Variants in MBLAC2 observed in about 807,000 individuals in gnomAD.
MBLAC2 encodes the protein metallo-beta-lactamase domain containing 2.
A neutral mutation model predicts 23.3 loss-of-function variants in MBLAC2; 24 were observed. That is an observed-to-expected ratio of 1.03 (90% CI 0.75 to 1.45). The LOEUF is 1.45. Among genes scored for constraint, MBLAC2 ranks in the 40% most tolerant of loss-of-function variants. The pLI, the probability that MBLAC2 is intolerant of heterozygous loss-of-function variation, is 0.00. For synonymous variants in MBLAC2, 162 were observed against 150.9 expected (o/e 1.07, Z -0.54); for missense variants, 358 against 370.0 (o/e 0.97, Z 0.27).
At chr5:90,470,771 C>CAG (rs1750533419) in intron 1 of MBLAC2, among the ~76,000 whole-genome samples, 1 of 147,936 alleles carries the variant, frequency 6.8e-6, no homozygotes, top group South Asian at 2.2e-4. Context: ...CACACACACA[C>CAG]ACACACACAC....
At chr5:90,473,558 C>T in intron 1 of MBLAC2, 1 of 638,554 alleles carries the variant, frequency 1.6e-6, no homozygotes, top group Non-Finnish European at 2.8e-6. Flanking sequence ...ACTGCTACAG[C>T]CGATGCAGGA....
intron 1 of MBLAC2, among the ~76,000 whole-genome samples, chr5:90,470,812 G>A (rs997936596): frequency 1.3e-5 from 2 of 148,300 alleles, no homozygotes; most frequent in African/African-American, 2.5e-5. Flanking sequence ...TTTCCATACT[G>A]AGCCCTTAAG....
intron 1 of MBLAC2, 121 bp downstream of exon 1, chr5:90,473,718 C>T (rs1449673441): frequency 2.1e-6 from 2 of 971,200 alleles, no homozygotes; most frequent in Non-Finnish European, 3.2e-6. Context: ...ACAGAAGTGG[C>T]TCTGCGAGGT....
chr5:90,466,877 C>A (rs1345101514), intron 1 of MBLAC2, among the ~76,000 whole-genome samples: 5 of 152,164 alleles, frequency 3.3e-5, no homozygotes, highest in Non-Finnish European at 5.9e-5. Flanking sequence ...CTGGCTCATG[C>A]CTGTAATACC....
At position 90,458,525 on chromosome 5, in the gene MBLAC2, C is replaced by T. The variant is rs1223054595; in HGVS notation, c.*2642G>A. On this transcript the variant is annotated 3_prime_UTR_variant, in exon 2 of 2. Transcript: ENST00000316610. Reference sequence around the variant, plus strand: ...ATATTTCCAAAAATCATTTAAGTTACAAGGGTCACTGTCAGGGTGAAAATA... The same window carrying T: ...ATATTTCCAAAAATCATTTAAGTTATAAGGGTCACTGTCAGGGTGAAAATA... The T allele has an allele frequency of 6.6e-6, 1 of 152,102 alleles. No individual in the cohort carries two copies. The highest frequency in any genetic ancestry group is 1.9e-4 in the East Asian group (1 of 5,200). 9.4% of individuals were successfully genotyped at this position (152,102 alleles called of 1,614,324 possible).
chr5:90,468,962 G>A (rs1750500113), intron 1 of MBLAC2, among the ~76,000 whole-genome samples: 1 of 152,168 alleles, frequency 6.6e-6, no homozygotes, highest in Admixed American at 6.6e-5. Context: ...AGCATTAAAT[G>A]CCTACATCAA....
Position 90,473,503 on chromosome 5 carries a change from G to A in MBLAC2, c.454+336C>T, listed in dbSNP as rs140174925. The A allele has an allele frequency of 2.9e-3, 1,685 of 585,782 alleles. 23 individuals are homozygous for A. The highest frequency in any genetic ancestry group is 0.028 in the African/African-American group (1,490 of 53,108). 36.3% of individuals were successfully genotyped at this position (585,782 alleles called of 1,614,324 possible). A position where few individuals can be genotyped will look rare whatever the true frequency, so the allele number is the denominator to read the frequency against. ...TGGAAATGTCGGGCAGGTGCTTAGG[G>A]AAAGAATGAGAAATCCCTAGTCAGT... On this transcript the variant is annotated intron_variant, in intron 1 of 1. Coordinates refer to ENST00000316610, the MANE Select transcript of MBLAC2 (RefSeq NM_203406.2).
chr5:90,470,587 C>G (rs1296761197), intron 1 of MBLAC2, among the ~76,000 whole-genome samples: 1 of 152,100 alleles, frequency 6.6e-6, no homozygotes, highest in Non-Finnish European at 1.5e-5. Context: ...AGGTATTCCT[C>G]TACATTGGTA....
chr5:90,467,609 G>GAA (rs1750470331), intron 1 of MBLAC2, among the ~76,000 whole-genome samples: 1 of 152,112 alleles, frequency 6.6e-6, no homozygotes, highest in African/African-American at 2.4e-5. Context: ...AAACTTGGTT[G>GAA]GTGAATTCTT....
At chr5:90,472,795 T>C (rs1388409421) in intron 1 of MBLAC2, 3 of 152,218 alleles carry the variant, frequency 2.0e-5, no homozygotes, top group East Asian at 3.8e-4. Context: ...GATTTATGTA[T>C]GTTCTGCATG....
rs1750305790 is a variant in MBLAC2, at chr5:90,458,699, C to G, written c.*2468G>C. The G allele has an allele frequency of 6.6e-6, 1 of 152,172 alleles. No individual in the cohort carries two copies. The highest frequency in any genetic ancestry group is 6.5e-5 in the Admixed American group (1 of 15,276). The allele number at this position is 152,172 out of a possible 1,614,324, so 9.4% of individuals were successfully genotyped here. A position where few individuals can be genotyped will look rare whatever the true frequency, so the allele number is the denominator to read the frequency against. ...TTACAAGAGAAAGAGAAGTGTGGGG[C>G]AGACAGACCTGTGTTCAGTTACTAG... On this transcript the variant is annotated 3_prime_UTR_variant, in exon 2 of 2. Coordinates refer to ENST00000316610, the MANE Select transcript of MBLAC2 (RefSeq NM_203406.2).
chr5:90,467,637 A>G lies in MBLAC2; in HGVS notation c.455-6085T>C, dbSNP rs994578256. ...GAATTCTTATCCATTCTGTCATTCT[A>G]TATCTTTTAAGTGGAGCATTTAGGC... On this transcript the variant is annotated intron_variant, in intron 1 of 1. Transcript: ENST00000316610. Among the ~76,000 whole-genome samples the G allele has an allele frequency of 4.6e-5, 7 of 151,332 alleles. No individual in the cohort carries two copies. The South Asian group carries it at 6.2e-4, about 13-fold the overall frequency.
Position 90,459,611 on chromosome 5 carries a change from G to A in MBLAC2, c.*1556C>T, listed in dbSNP as rs952846856. 9 of 151,886 alleles carry A rather than the reference G, an allele frequency of 5.9e-5. No individual in the cohort carries two copies. The highest frequency in any genetic ancestry group is 2.2e-4 in the African/African-American group (9 of 41,338). The allele number at this position is 151,886 out of a possible 1,614,324, so 9.4% of individuals were successfully genotyped here. A position where few individuals can be genotyped will look rare whatever the true frequency, so the allele number is the denominator to read the frequency against. On this transcript the variant is annotated 3_prime_UTR_variant, in exon 2 of 2. Coordinates refer to ENST00000316610, the MANE Select transcript of MBLAC2 (RefSeq NM_203406.2). ...ACCCCTCCATTTATGTCCCTTACAC[G>A]CATGTATAATGTACATTAACTTGCA... is the stretch of plus-strand genomic sequence containing the variant.
Position 90,474,467 on chromosome 5 carries a change from G to C in MBLAC2, c.-175C>G, listed in dbSNP as rs1293262585. On this transcript the variant is annotated 5_prime_UTR_variant, in exon 1 of 2. Transcript: ENST00000316610. ...TCGGAATAGGAGGAGGAAGGACGCA[G>C]ACCGACGCTGCCCGTAGCGTGCGCT... 12 of 623,198 alleles carry C rather than the reference G, an allele frequency of 1.9e-5. No individual in the cohort carries two copies. In the South Asian group the frequency reaches 2.4e-4, roughly 12 times the overall value. The allele number at this position is 623,198 out of a possible 1,614,324, so 38.6% of individuals were successfully genotyped here.
chr5:90,462,340 C>A (rs1349579023), intron 1 of MBLAC2, among the ~76,000 whole-genome samples: 1 of 152,050 alleles, frequency 6.6e-6, no homozygotes, highest in Non-Finnish European at 1.5e-5. Flanking sequence ...TTAAAAGATT[C>A]ATAATGTAAT....
rs762159990 is a variant in MBLAC2, at chr5:90,460,986, C to T, written c.*181G>A. ...ATAAGCTTATTTAAGTGGCTTCTTT[C>T]TTGGAAGAAAGAAAACAATTTAAAC... On this transcript the variant is annotated 3_prime_UTR_variant, in exon 2 of 2. Coordinates refer to ENST00000316610, the MANE Select transcript of MBLAC2 (RefSeq NM_203406.2). 2.4e-5 allele frequency: 13 copies of T among 552,466 alleles called. No individual in the cohort carries two copies. The highest frequency in any genetic ancestry group is 2.7e-5 in the Non-Finnish European group (9 of 333,848). The allele number at this position is 552,466 out of a possible 1,614,324, so 34.2% of individuals were successfully genotyped here.
At position 90,459,035 on chromosome 5, in the gene MBLAC2, T is replaced by A. The variant is rs1750311965; in HGVS notation, c.*2132A>T. 1 of 152,488 alleles carries A rather than the reference T, an allele frequency of 6.6e-6. No individual in the cohort carries two copies. Among genetic ancestry groups the A allele is most frequent in the Admixed American group, 6.6e-5 (1 of 15,264 alleles). The allele number at this position is 152,488 out of a possible 1,614,324, so 9.4% of individuals were successfully genotyped here. On this transcript the variant is annotated 3_prime_UTR_variant, in exon 2 of 2. Transcript: ENST00000316610. The stretch of plus-strand genomic sequence containing the variant: ...TAGTGCCTACTATACCCTGATTTTT[T>A]AAAAAAAGGCCTAAAATATGATAAA...
In MBLAC2 at chr5:90,474,641, T is replaced by C; in HGVS notation, c.-349A>G. On this transcript the variant is annotated 5_prime_UTR_variant, in exon 1 of 2. Transcript: ENST00000316610. ...GAATGGAGACTCAGGTGGCGACCGT[T>C]TCGCCACCCCGGGCGTGTGACAGCA... 1 of 304,474 alleles carries C rather than the reference T, an allele frequency of 3.3e-6. No homozygotes were observed. The highest frequency in any genetic ancestry group is 6.2e-6 in the Non-Finnish European group (1 of 161,732). 18.9% of individuals were successfully genotyped at this position (304,474 alleles called of 1,614,324 possible). A position where few individuals can be genotyped will look rare whatever the true frequency, so the allele number is the denominator to read the frequency against.
In MBLAC2 at chr5:90,474,265, TGTG is replaced by T; in HGVS notation, c.25_27del (p.His9del). 3.1e-6 allele frequency: 5 copies of T among 1,613,452 alleles called. No individual in the cohort carries two copies. In the South Asian group the frequency reaches 5.5e-5, roughly 18 times the overall value. ...CAGAAGATACCATCGCCTAGAGACT[TGTG>T]GGCGTACCACTCGAGCGCCGACATG... On this transcript the variant is annotated inframe_deletion, in exon 1 of 2. Transcript: ENST00000316610.
Sources: gnomAD v4.1 joint callset for allele counts (sites outside exome capture counted in the v4.1 genomes callset) on GRCh38, gnomAD v4.1.1 for gene constraint, MANE v1.5 for transcripts, NCBI Gene and HGNC (gene_info 2026-07-23, HGNC 2026-07-21) for gene names.